The following CACNB2 variants were observed in gnomAD, a reference collection of about 807,000 sequenced individuals.
CACNB2 encodes calcium voltage-gated channel auxiliary subunit beta 2.
A neutral mutation model predicts 73.3 loss-of-function variants in CACNB2; 42 were observed. That is an observed-to-expected ratio of 0.57 (90% CI 0.45 to 0.74). The LOEUF is 0.74. Among genes scored for constraint, CACNB2 ranks in the 30% least tolerant of loss-of-function variants. CACNB2 has a pLI of 0.00. For missense variants in CACNB2, 940 were observed against 853.0 expected, an observed-to-expected ratio of 1.10 and a Z score of -1.27; for synonymous variants, 348 against 310.3, an observed-to-expected ratio of 1.12 and a Z score of -1.28.
chr10:18,348,421 A>T (rs780527344), intron 2 of CACNB2, among the ~76,000 whole-genome samples: 1 of 152,176 alleles, frequency 6.6e-6, no homozygotes, highest in Non-Finnish European at 1.5e-5. Flanking sequence ...AGGTGGTTAT[A>T]TGGGCTAAAT....
At chr10:18,530,099 C>T (rs1793954425) in intron 10 of CACNB2, among the ~76,000 whole-genome samples, 3 of 152,122 alleles carry the variant, frequency 2.0e-5, no homozygotes, top group Admixed American at 2.0e-4. Flanking sequence ...AAGACCAAGT[C>T]CCATGATTCA....
chr10:18,439,478 C>G (rs1369462291), intron 3 of CACNB2, among the ~76,000 whole-genome samples: 1 of 152,158 alleles, frequency 6.6e-6, no homozygotes, highest in South Asian at 2.1e-4. Flanking sequence ...TCAATATAAT[C>G]CTTATGGCAA....
At chr10:18,231,476 G>A (rs560870115) in intron 2 of CACNB2, among the ~76,000 whole-genome samples, 3 of 152,298 alleles carry the variant, frequency 2.0e-5, no homozygotes, top group South Asian at 2.1e-4. Flanking sequence ...ACCATGCCAC[G>A]CCATGTTCAA....
intron 2 of CACNB2, among the ~76,000 whole-genome samples, chr10:18,202,547 G>A (rs1270327057): frequency 2.0e-5 from 3 of 152,222 alleles, no homozygotes; most frequent in Non-Finnish European, 4.4e-5. Context: ...CATCTGTAAA[G>A]CAAGGATAAT....
intron 2 of CACNB2, among the ~76,000 whole-genome samples, chr10:18,355,639 T>TA (rs2041876495): frequency 6.6e-6 from 1 of 151,384 alleles, no homozygotes; most frequent in African/African-American, 2.4e-5. Context: ...TCTTTTTTTT[T>TA]TTTTTTTATT....
Position 18,146,014 on chromosome 10 carries a change from T to G in CACNB2, c.121-4869T>G, listed in dbSNP as rs148753281. On this transcript the variant is annotated intron_variant, in intron 1 of 13. Coordinates refer to ENST00000324631, the MANE Select transcript of CACNB2 (RefSeq NM_201596.3). ...GACACCCACCCCCATCCCCAAGAAC[T>G]CTATTTATGCAGGCTCCTTGTTCCT... Among the ~76,000 whole-genome samples, 755 of 151,838 alleles carry G rather than the reference T, an allele frequency of 5.0e-3. 7 individuals carry two copies. The highest frequency in any genetic ancestry group is 0.017 in the African/African-American group (704 of 41,454).
intron 2 of CACNB2, among the ~76,000 whole-genome samples, chr10:18,322,455 A>G (rs984824506): frequency 3.3e-5 from 5 of 152,160 alleles, no homozygotes; most frequent in Admixed American, 2.6e-4. Context: ...TGTTGTTTTT[A>G]TATGTAACAA....
intron 7 of CACNB2, among the ~76,000 whole-genome samples, chr10:18,517,715 A>T (rs1357925591): frequency 6.6e-6 from 1 of 152,206 alleles, no homozygotes; most frequent in Non-Finnish European, 1.5e-5. Flanking sequence ...GTGAGCAGGG[A>T]TCATGATTAC....
At chr10:18,500,301 C>T (rs1446755791) in intron 4 of CACNB2, among the ~76,000 whole-genome samples, 1 of 152,194 alleles carries the variant, frequency 6.6e-6, no homozygotes, top group Non-Finnish European at 1.5e-5. Context: ...AAATTGTCAA[C>T]ATCACACAAG....
intron 9 of CACNB2, among the ~76,000 whole-genome samples, chr10:18,523,791 A>G (rs74454088): frequency 0.12 from 18,463 of 152,270 alleles, 1,471 homozygotes; most frequent in Middle Eastern, 0.24. Flanking sequence ...TCTAAAAGGG[A>G]AAAATGAATT....
intron 2 of CACNB2, among the ~76,000 whole-genome samples, chr10:18,174,959 T>A (rs940858429): frequency 6.6e-6 from 1 of 152,152 alleles, no homozygotes; most frequent in African/African-American, 2.4e-5. Flanking sequence ...TTGAAGAGGA[T>A]TATAGCAGCA....
intron 2 of CACNB2, among the ~76,000 whole-genome samples, chr10:18,267,819 C>T (rs1266080442): frequency 3.3e-5 from 5 of 152,170 alleles, no homozygotes; most frequent in Non-Finnish European, 7.3e-5. Context: ...ATCACTTTTT[C>T]TTCCCATTGG....
chr10:18,211,580 T>C (rs2035318094), intron 2 of CACNB2, among the ~76,000 whole-genome samples: 1 of 152,178 alleles, frequency 6.6e-6, no homozygotes, highest in Non-Finnish European at 1.5e-5. Context: ...TTTTAAAATA[T>C]TTTTATTATA....
At chr10:18,224,878 C>T in intron 2 of CACNB2, among the ~76,000 whole-genome samples, 1 of 152,212 alleles carries the variant, frequency 6.6e-6, no homozygotes, top group East Asian at 1.9e-4. Context: ...TAAGCTCCGC[C>T]TCCTCCCTGC....
intron 4 of CACNB2, among the ~76,000 whole-genome samples, chr10:18,500,603 CAAGG>C (rs1160093229): frequency 6.6e-6 from 1 of 152,148 alleles, no homozygotes; most frequent in African/African-American, 2.4e-5. Flanking sequence ...CCAGGACAGA[CAAGG>C]AACGCAGAGC....
chr10:18,381,712 A>G (rs1032590969), intron 2 of CACNB2, among the ~76,000 whole-genome samples: 1 of 150,960 alleles, frequency 6.6e-6, no homozygotes, highest in African/African-American at 2.4e-5. Flanking sequence ...AAAAAGGTTC[A>G]TTTTAATGTA....
intron 2 of CACNB2, among the ~76,000 whole-genome samples, chr10:18,243,210 C>G (rs538322973): frequency 1.9e-4 from 29 of 151,814 alleles, no homozygotes; most frequent in Non-Finnish European, 3.4e-4. Flanking sequence ...CACAAAGTCC[C>G]TAAATTTTAA....
At chr10:18,322,496 C>A (rs143197749) in intron 2 of CACNB2, among the ~76,000 whole-genome samples, 157 of 152,184 alleles carry the variant, frequency 1.0e-3, no homozygotes, top group African/African-American at 3.6e-3. Flanking sequence ...TCCCACATTT[C>A]CATAATTTTA....
chr10:18,251,535 A>G (rs1441826453), intron 2 of CACNB2, among the ~76,000 whole-genome samples: 2 of 152,204 alleles, frequency 1.3e-5, no homozygotes, highest in Non-Finnish European at 2.9e-5. Context: ...GGCGTGGGCC[A>G]CCATGCCCGG....
Sources: gnomAD v4.1 joint callset for allele counts (sites outside exome capture counted in the v4.1 genomes callset) on GRCh38, gnomAD v4.1.1 for gene constraint, MANE v1.5 for transcripts, NCBI Gene and HGNC (gene_info 2026-07-23, HGNC 2026-07-21) for gene names.